The following NDE1 variants were observed in gnomAD, a reference collection of about 807,000 sequenced individuals.
The protein encoded by NDE1 is nudE neurodevelopment protein 1, also known as nuclear distribution protein nudE homolog 1.
Under a neutral mutation model 43.4 loss-of-function variants are expected in NDE1, and 28 were observed. That is an observed-to-expected ratio of 0.65 (90% confidence interval 0.48 to 0.89). The LOEUF is 0.89. NDE1 is among the 40% of genes least tolerant of loss of function. The pLI, the probability that NDE1 is intolerant of heterozygous loss-of-function variation, is 0.00. For missense variants in NDE1, 441 were observed against 434.1 expected (o/e 1.02, Z -0.14); for synonymous variants, 184 against 172.0 (o/e 1.07, Z -0.55).
At chr16:15,687,166 A>G (rs1468187267) in intron 4 of NDE1, 1 of 1,473,366 alleles carries the variant, frequency 6.8e-7, no homozygotes, top group East Asian at 2.6e-5. Flanking sequence ...AGCCTCGTGC[A>G]CCCCATGAGC....
Position 15,704,051 on chromosome 16 carries a change from A to T in NDE1, c.947+7191A>T, listed in dbSNP as rs1339159334. On this transcript the variant is annotated intron_variant, in intron 8 of 8. Coordinates refer to ENST00000396354, the MANE Select transcript of NDE1 (RefSeq NM_017668.3). ...CTCGAGTGTCCGTTTCCTCCTCAGAACCATCTGCATTTTCAATAACTCTAC... is the reference window on the plus strand; with the variant it reads ...CTCGAGTGTCCGTTTCCTCCTCAGATCCATCTGCATTTTCAATAACTCTAC... The T allele has an allele frequency of 1.9e-6, 3 of 1,614,032 alleles. No homozygotes were observed. The African/African-American group carries it at 4.0e-5, about 22-fold the overall frequency.
At chr16:15,699,861 A>C (rs775842326) in intron 8 of NDE1, 1 of 1,332,846 alleles carries the variant, frequency 7.5e-7, no homozygotes, top group Non-Finnish European at 9.9e-7. Flanking sequence ...GTTGGTGCGG[A>C]AGTCGTTACC....
intron 8 of NDE1, chr16:15,708,673 C>T (rs140043055): frequency 2.4e-5 from 23 of 943,882 alleles, no homozygotes; most frequent in Non-Finnish European, 3.5e-5. Context: ...ATATCCAAGC[C>T]TCCAGATTTT....
rs372829445 is a variant in NDE1 at position 15,696,858 on chromosome 16, G to C, written c.945G>C (p.Lys315Asn). 1 of 1,614,100 alleles carries C rather than the reference G, an allele frequency of 6.2e-7. No individual in the cohort carries two copies. The highest frequency in any genetic ancestry group is 8.5e-7 in the Non-Finnish European group (1 of 1,180,018). ...PSSTSVPLGDKGLDTSCRWLS... is the reference protein window; with the variant it reads ...PSSTSVPLGDNGLDTSCRWLS... ...GCACCAGCGTGCCTTTGGGTGATAA[G>C]GGGTCAGTACCTTCTAATAAACCTC... Residue 315 changes from lysine (K) to asparagine (N), a missense_variant and splice_region_variant, in exon 8 of 9, where the codon AAG becomes AAC. By Grantham distance (94) the Lys-to-Asn change is moderately conservative. Coordinates refer to ENST00000396354, the MANE Select transcript of NDE1 (RefSeq NM_017668.3).
chr16:15,689,232 G>A (rs1398855952), intron 5 of NDE1, among the ~76,000 whole-genome samples: 1 of 152,190 alleles, frequency 6.6e-6, no homozygotes, highest in Non-Finnish European at 1.5e-5. Context: ...GCTGATGCCT[G>A]TAATCTCAGT....
chr16:15,678,663 C>A (rs1034904230), intron 4 of NDE1, among the ~76,000 whole-genome samples: 1 of 152,028 alleles, frequency 6.6e-6, no homozygotes, highest in Non-Finnish European at 1.5e-5. Context: ...AACTGATGTT[C>A]TGTGGTTTAG....
chr16:15,698,120 T>A (rs1306351163), intron 8 of NDE1, among the ~76,000 whole-genome samples: 1 of 152,062 alleles, frequency 6.6e-6, no homozygotes, highest in Admixed American at 6.6e-5. Flanking sequence ...TCTTTTTAAA[T>A]CTGTAGAACC....
intron 1 of NDE1, among the ~76,000 whole-genome samples, chr16:15,662,475 G>C (rs1381985284): frequency 6.6e-6 from 1 of 151,732 alleles, no homozygotes; most frequent in Non-Finnish European, 1.5e-5. Context: ...AGTAGGGACA[G>C]GGTTTCACCG....
Position 15,702,788 on chromosome 16 carries a change from G to T in NDE1, c.947+5928G>T, listed in dbSNP as rs371326100. On this transcript the variant is annotated intron_variant, in intron 8 of 8. Transcript: ENST00000396354. ...TAACTCAAAAAATCAAGGAAATCCT[G>T]TATTTTTCTTAAGATACTGGTTTTG... Among the ~76,000 whole-genome samples the T allele has an allele frequency of 1.2e-4, 19 of 152,242 alleles. No individual in the cohort carries two copies. The East Asian group carries it at 3.7e-3, about 29-fold the overall frequency.
intron 3 of NDE1, among the ~76,000 whole-genome samples, chr16:15,674,771 A>T (rs114548989): frequency 2.0e-5 from 3 of 151,350 alleles, no homozygotes; most frequent in Non-Finnish European, 4.4e-5. Context: ...GAGTGCAGTG[A>T]TGCAATCACG....
intron 3 of NDE1, among the ~76,000 whole-genome samples, chr16:15,673,654 T>TCCCC: frequency 6.6e-6 from 1 of 151,502 alleles, no homozygotes; most frequent in Non-Finnish European, 1.5e-5. Context: ...CACCTCAGCC[T>TCCCC]CCCCCATAGC....
chr16:15,723,356 A>C (rs1386693877), intron 8 of NDE1, among the ~76,000 whole-genome samples: 1 of 152,154 alleles, frequency 6.6e-6, no homozygotes, highest in East Asian at 1.9e-4. Context: ...CTTTATAAAT[A>C]AATATGTGGG....
chr16:15,714,725 C>T, intron 8 of NDE1: 2 of 753,872 alleles, frequency 2.7e-6, no homozygotes, highest in Non-Finnish European at 4.4e-6. Context: ...CAAGGCAGGG[C>T]CCGGGTCTGA....
chr16:15,684,958 T>C (rs530051838), intron 4 of NDE1, among the ~76,000 whole-genome samples: 4 of 152,362 alleles, frequency 2.6e-5, no homozygotes, highest in Non-Finnish European at 5.9e-5. Flanking sequence ...GTTCCTCTGA[T>C]CATTCTTGTT....
At chr16:15,685,603 A>G (rs963356507) in intron 4 of NDE1, among the ~76,000 whole-genome samples, 5 of 152,128 alleles carry the variant, frequency 3.3e-5, no homozygotes, top group East Asian at 3.9e-4. Context: ...CACTACTTCT[A>G]AAGACCCTGT....
At chr16:15,678,006 C>T (rs1349024560) in intron 4 of NDE1, 57 bp downstream of exon 4, 5 of 1,604,782 alleles carry the variant, frequency 3.1e-6, no homozygotes, top group Non-Finnish European at 4.3e-6. Context: ...TTTTTGTCCC[C>T]AGCAGCTGGG....
intron 1 of NDE1, among the ~76,000 whole-genome samples, chr16:15,663,005 T>C (rs1409694109): frequency 6.6e-6 from 1 of 152,146 alleles, no homozygotes; most frequent in Non-Finnish European, 1.5e-5. Context: ...CACATCACTC[T>C]CTTCCCTAAC....
chr16:15,726,286 G>C lies in NDE1; in HGVS notation c.*2035G>C, dbSNP rs1414951158. The C allele has an allele frequency of 6.4e-6, 1 of 156,172 alleles. No individual in the cohort carries two copies. Among genetic ancestry groups the C allele is most frequent in the African/African-American group, 2.4e-5 (1 of 41,448 alleles). 9.7% of individuals were successfully genotyped at this position (156,172 alleles called of 1,614,324 possible). ...CAGTGTCTCTTCTTCCTTGCTGTTG[G>C]ATCTCAGGATTAAGCACAGTGCCTG... On this transcript the variant is annotated 3_prime_UTR_variant, in exon 9 of 9. Coordinates refer to ENST00000396354, the MANE Select transcript of NDE1 (RefSeq NM_017668.3).
At chr16:15,707,747 G>A (rs894379425) in intron 8 of NDE1, among the ~76,000 whole-genome samples, 4 of 152,104 alleles carry the variant, frequency 2.6e-5, no homozygotes, top group African/African-American at 7.2e-5. Context: ...CAAGGCGCGC[G>A]GATCACCTGA....
Sources: allele counts gnomAD v4.1 joint callset (sites outside exome capture counted in the v4.1 genomes callset), GRCh38; gene constraint gnomAD v4.1.1; transcripts MANE v1.5; gene names NCBI Gene and HGNC (gene_info 2026-07-23, HGNC 2026-07-21).